Variants in TMEM266 observed in about 807,000 individuals in gnomAD.
TMEM266 encodes the protein transmembrane protein 266, also known as Hv1 related protein 1.
TMEM266 carries 33 observed loss-of-function variants against 50.5 expected under a neutral mutation model. The ratio of observed to expected loss-of-function variants is 0.65; its 90% confidence interval spans 0.50 to 0.87. The LOEUF is 0.87. TMEM266 is among the 40% of genes least tolerant of loss of function. The probability of loss-of-function intolerance (pLI) is 0.00; values close to 1 mark genes in which losing one functional copy is unlikely to be tolerated. For synonymous variants in TMEM266, 310 were observed against 292.3 expected (o/e 1.06, Z -0.62); for missense variants, 655 against 695.1 (o/e 0.94, Z 0.65).
intron 3 of TMEM266, among the ~76,000 whole-genome samples, chr15:76,152,944 G>A (rs1433532299): frequency 1.3e-5 from 2 of 152,048 alleles, no homozygotes; most frequent in Admixed American, 6.6e-5. Flanking sequence ...CTTCAAGGCC[G>A]TCATCCCCTG....
At chr15:76,198,998 C>G (rs1251098343) in intron 9 of TMEM266, among the ~76,000 whole-genome samples, 2 of 95,546 alleles carry the variant, frequency 2.1e-5, no homozygotes, top group Admixed American at 1.2e-4. Flanking sequence ...GACCTCGGCT[C>G]TGTGTCAGGC....
chr15:76,077,306 G>A (rs550510537), intron 1 of TMEM266, among the ~76,000 whole-genome samples: 2 of 152,048 alleles, frequency 1.3e-5, no homozygotes, highest in South Asian at 2.1e-4. Context: ...GCATAGTGAT[G>A]GTGAGGTGCC....
At chr15:76,154,207 G>A (rs2037887594) in intron 3 of TMEM266, among the ~76,000 whole-genome samples, 1 of 152,218 alleles carries the variant, frequency 6.6e-6, no homozygotes, top group Non-Finnish European at 1.5e-5. Context: ...TCATTTTTTA[G>A]TATGAGTCTG....
At chr15:76,188,506 G>A (rs1476678336) in intron 8 of TMEM266, among the ~76,000 whole-genome samples, 1 of 152,212 alleles carries the variant, frequency 6.6e-6, no homozygotes, top group Non-Finnish European at 1.5e-5. Flanking sequence ...GGGAGGCTGA[G>A]GCAGGAGAAT....
intron 10 of TMEM266, among the ~76,000 whole-genome samples, chr15:76,203,300 C>T (rs1317771386): frequency 1.3e-5 from 2 of 152,174 alleles, no homozygotes; most frequent in Non-Finnish European, 2.9e-5. Flanking sequence ...AATAACCCTG[C>T]ATCTCGATGG....
intron 8 of TMEM266, among the ~76,000 whole-genome samples, chr15:76,187,046 C>CT: frequency 6.6e-6 from 1 of 152,334 alleles, no homozygotes; most frequent in East Asian, 1.9e-4. Flanking sequence ...CTTGTTGGGG[C>CT]TATCCAGGTT....
chr15:76,177,119 A>G (rs949844798), intron 8 of TMEM266, among the ~76,000 whole-genome samples: 2 of 151,970 alleles, frequency 1.3e-5, no homozygotes, highest in Non-Finnish European at 2.9e-5. Flanking sequence ...CCAGCCCTGC[A>G]GCAGCCCTCA....
intron 3 of TMEM266, among the ~76,000 whole-genome samples, chr15:76,155,857 G>A (rs959208916): frequency 1.4e-4 from 22 of 152,118 alleles, no homozygotes; most frequent in African/African-American, 4.8e-4. Context: ...GTGACTCATC[G>A]AGCATTTATT....
At chr15:76,195,339 A>G (rs1450201576) in intron 9 of TMEM266, among the ~76,000 whole-genome samples, 1 of 152,218 alleles carries the variant, frequency 6.6e-6, no homozygotes, top group Non-Finnish European at 1.5e-5. Flanking sequence ...GAACAAAATA[A>G]GGCTGTCTGA....
chr15:76,104,164 G>A (rs1356543119), intron 1 of TMEM266, among the ~76,000 whole-genome samples: 1 of 150,180 alleles, frequency 6.7e-6, no homozygotes, highest in East Asian at 1.9e-4. Context: ...CCGAGATCAC[G>A]CCACTGCACT....
At chr15:76,167,227 T>C (rs1420537425) in intron 5 of TMEM266, among the ~76,000 whole-genome samples, 1 of 152,036 alleles carries the variant, frequency 6.6e-6, no homozygotes, top group Non-Finnish European at 1.5e-5. Flanking sequence ...TCCCAGCACT[T>C]TGGGAGGCCG....
intron 4 of TMEM266, 130 bp downstream of exon 4, chr15:76,156,888 C>G: frequency 5.3e-6 from 5 of 947,280 alleles, no homozygotes; most frequent in Non-Finnish European, 7.9e-6. Context: ...CAGCCTCAGG[C>G]CCTGGGGCTC....
chr15:76,111,552 C>T (rs2959831), intron 1 of TMEM266, among the ~76,000 whole-genome samples: 60,503 of 151,420 alleles, frequency 0.4, 13,025 homozygotes, highest in East Asian at 0.6. Flanking sequence ...GGATTACAGG[C>T]GCCCGCCACC....
intron 3 of TMEM266, among the ~76,000 whole-genome samples, chr15:76,155,107 A>C (rs930800899): frequency 2.0e-5 from 3 of 152,340 alleles, no homozygotes; most frequent in Middle Eastern, 3.4e-3. Context: ...ATCCCTGTTT[A>C]TACATGGGGA....
rs2038129504 is a variant in TMEM266, at chr15:76,168,307, C to T, written c.457-1509C>T. On this transcript the variant is annotated intron_variant, in intron 5 of 10. Coordinates refer to ENST00000388942, the MANE Select transcript of TMEM266 (RefSeq NM_152335.3). This position sits in a 1 kb window ranked among gnomAD's most constrained non-coding sequence, Gnocchi z 4.4. ...ATGACTGTCCCCCACAAGCATTCAC[C>T]TTCCCATCCCTTCACAGAAATCAAG... Among the ~76,000 whole-genome samples, 1 of 152,240 alleles carries T rather than the reference C, an allele frequency of 6.6e-6. No individual in the cohort carries two copies. Among genetic ancestry groups the T allele is most frequent in the Non-Finnish European group, 1.5e-5 (1 of 68,052 alleles).
chr15:76,171,064 G>A lies in TMEM266; in HGVS notation c.585G>A (p.Arg195=). ...CATCCACTGTGGCCAATGGACCCAG[G>A]AGCCCCTGGGACGCCATCAGCCTCA... Residue 195 remains arginine (R), a synonymous_variant, in exon 7 of 11, where the codon AGG becomes AGA. Transcript: ENST00000388942. 3 of 1,613,350 alleles carry A rather than the reference G, an allele frequency of 1.9e-6. No individual in the cohort carries two copies. The highest frequency in any genetic ancestry group is 2.5e-6 in the Non-Finnish European group (3 of 1,179,690).
At chr15:76,128,317 A>T (rs573296362) in intron 1 of TMEM266, among the ~76,000 whole-genome samples, 1 of 152,172 alleles carries the variant, frequency 6.6e-6, no homozygotes, top group Non-Finnish European at 1.5e-5. Context: ...TGACTACTTG[A>T]TCTTAGCAGC....
intron 10 of TMEM266, among the ~76,000 whole-genome samples, chr15:76,202,504 A>G (rs1224542955): frequency 6.6e-6 from 1 of 152,338 alleles, no homozygotes; most frequent in East Asian, 1.9e-4. Context: ...GTGATCACCC[A>G]TAAGAACTGC....
chr15:76,101,468 T>C (rs755247480), intron 1 of TMEM266, among the ~76,000 whole-genome samples: 3 of 152,214 alleles, frequency 2.0e-5, no homozygotes, highest in Non-Finnish European at 4.4e-5. Flanking sequence ...GTGCCCTGTC[T>C]GAAGAGATCC....
Sources: gnomAD v4.1 joint callset for allele counts (sites outside exome capture counted in the v4.1 genomes callset) on GRCh38, gnomAD v4.1.1 for gene constraint, Gnocchi (gnomAD v3.1) non-coding constraint, MANE v1.5 for transcripts, NCBI Gene and HGNC (gene_info 2026-07-23, HGNC 2026-07-21) for gene names.